UBE2D3: variants seen among roughly 807,000 people sequenced by gnomAD.
UBE2D3 encodes ubiquitin-conjugating enzyme E2 D3.
A neutral mutation model predicts 22.8 loss-of-function variants in UBE2D3; 2 were observed. The observed-to-expected ratio is 0.09, with a 90% CI of 0.04 to 0.28. The LOEUF is 0.28. Among genes scored for constraint, UBE2D3 ranks in the 10% least tolerant of loss-of-function variants. The pLI is 1.00. For synonymous variants in UBE2D3, 56 were observed against 60.4 expected, an observed-to-expected ratio of 0.93 and a Z score of 0.34; for missense variants, 27 against 182.5, an observed-to-expected ratio of 0.15 and a Z score of 4.91.
At chr4:102,863,371 A>G (rs1732993008) in intron 1 of UBE2D3, among the ~76,000 whole-genome samples, 2 of 151,790 alleles carry the variant, frequency 1.3e-5, no homozygotes, top group South Asian at 4.2e-4. Flanking sequence ...TTTAACAACT[A>G]CCTCTCACAG....
At chr4:102,798,987 C>G in intron 7 of UBE2D3, 3 of 1,607,884 alleles carry the variant, frequency 1.9e-6, no homozygotes, top group Non-Finnish European at 2.6e-6. Context: ...CCTAATTGAA[C>G]AAGTACACTT....
At chr4:102,868,833 T>G in exon 1 of UBE2D3, 1 of 1,583,112 alleles carries the variant, frequency 6.3e-7, no homozygotes, top group Non-Finnish European at 8.7e-7. Flanking sequence ...AGGGCCACCT[T>G]CACACGAGAT....
At chr4:102,842,459 G>A (rs907774148) in intron 1 of UBE2D3, among the ~76,000 whole-genome samples, 7 of 151,912 alleles carry the variant, frequency 4.6e-5, no homozygotes, top group Non-Finnish European at 7.4e-5. Flanking sequence ...AGGAGGCTGA[G>A]GTAGGAGAAT....
At chr4:102,859,204 C>T (rs2110377195) in intron 1 of UBE2D3, among the ~76,000 whole-genome samples, 1 of 151,946 alleles carries the variant, frequency 6.6e-6, no homozygotes, top group East Asian at 1.9e-4. Flanking sequence ...GGAGGCTTTT[C>T]TTTTCTTTCA....
At chr4:102,849,461 T>C (rs1405227731) in intron 1 of UBE2D3, among the ~76,000 whole-genome samples, 2 of 149,546 alleles carry the variant, frequency 1.3e-5, no homozygotes, top group Non-Finnish European at 3.0e-5. Context: ...CTAACCACAA[T>C]GTAAGAAAAG....
intron 1 of UBE2D3, chr4:102,868,611 G>A: frequency 6.8e-7 from 1 of 1,460,704 alleles, no homozygotes; most frequent in Non-Finnish European, 9.6e-7. Flanking sequence ...TGGGTAGGGG[G>A]AGGATACTCA....
chr4:102,836,377 C>G (rs1032245589), intron 1 of UBE2D3, among the ~76,000 whole-genome samples: 4 of 152,010 alleles, frequency 2.6e-5, no homozygotes, highest in African/African-American at 9.7e-5. Context: ...GAACTCCTGA[C>G]CTCAGGTGAT....
chr4:102,827,265 T>C, intron 1 of UBE2D3, 162 bp downstream of exon 1: 1 of 961,318 alleles, frequency 1.0e-6, no homozygotes, highest in South Asian at 4.8e-5. Context: ...CCCCTCCTCC[T>C]CCAGCAGGAG....
At chr4:102,827,007 C>G in intron 1 of UBE2D3, 1 of 996,120 alleles carries the variant, frequency 1.0e-6, no homozygotes, top group Non-Finnish European at 1.2e-6. Flanking sequence ...AAGCATAAGA[C>G]TCCGGACGGA....
rs36031423 is a variant in UBE2D3, at chr4:102,799,832, T to TGGG, written c.305-335_305-333dup. Among the ~76,000 whole-genome samples, 30 of 117,824 alleles carry TGGG rather than the reference T, an allele frequency of 2.5e-4. 2 individuals are homozygous for TGGG. Among genetic ancestry groups the TGGG allele is most frequent in the South Asian group, 1.5e-3 (5 of 3,336 alleles). The allele number at this position is 117,824 out of a possible 152,430, so 77.3% of individuals were successfully genotyped here. On this transcript the variant is annotated intron_variant, in intron 6 of 7. Coordinates refer to ENST00000453744, the MANE Select transcript of UBE2D3 (RefSeq NM_181891.3). ...CTTGAGTTTCTTGGTACTCAGTGGC[T>TGGG]GGGGGGGGGGGGACTTTAGCAAGAA...
rs1185987414 is a variant in UBE2D3, at chr4:102,853,142, T to C, written c.-129+15573A>G. On this transcript the variant is annotated intron_variant, in intron 1 of 7. Coordinates refer to the UBE2D3 transcript ENST00000338145. ...TTACACACAAACACACACATTTTTT[T>C]TTTTTTTTTTTTTTTTTTGAGACGG... Among the ~76,000 whole-genome samples, 4 of 114,202 alleles carry C rather than the reference T, an allele frequency of 3.5e-5. 2 individuals are homozygous for C. Among genetic ancestry groups the C allele is most frequent in the East Asian group, 4.9e-4 (2 of 4,056 alleles). 74.9% of individuals were successfully genotyped at this position (114,202 alleles called of 152,430 possible). A position where few individuals can be genotyped will look rare whatever the true frequency, so the allele number is the denominator to read the frequency against.
intron 2 of UBE2D3, among the ~76,000 whole-genome samples, chr4:102,822,629 C>A (rs1398810710): frequency 6.6e-6 from 1 of 152,134 alleles, no homozygotes; most frequent in Non-Finnish European, 1.5e-5. Flanking sequence ...AAATCACATA[C>A]ATTATAAAAC....
rs1462936718 is a variant in UBE2D3, at chr4:102,794,732, T to G, written c.*2683A>C. 1 of 152,000 alleles carries G rather than the reference T, an allele frequency of 6.6e-6. No individual in the cohort carries two copies. Among genetic ancestry groups the G allele is most frequent in the Non-Finnish European group, 1.5e-5 (1 of 67,962 alleles). 9.4% of individuals were successfully genotyped at this position (152,000 alleles called of 1,614,324 possible). ...ACCACTAGTTAACTGTGGTTCATAC[T>G]TTAAAATGTGAGTACACCCACACAA... On this transcript the variant is annotated 3_prime_UTR_variant, in exon 8 of 8. Transcript: ENST00000453744.
At chr4:102,801,715 C>A in intron 5 of UBE2D3, 156 bp from the exon 6 acceptor site, 1 of 577,882 alleles carries the variant, frequency 1.7e-6, no homozygotes. Context: ...GACCACAACC[C>A]CCTGCCTCCT....
chr4:102,848,693 C>A (rs566125525), intron 1 of UBE2D3, among the ~76,000 whole-genome samples: 1 of 152,080 alleles, frequency 6.6e-6, no homozygotes, highest in African/African-American at 2.4e-5. Flanking sequence ...GTAGTGCACG[C>A]CTATAGTCCC....
chr4:102,854,244 T>C (rs1005002290), intron 1 of UBE2D3, among the ~76,000 whole-genome samples: 10 of 152,166 alleles, frequency 6.6e-5, no homozygotes, highest in Admixed American at 1.3e-4. Context: ...CAAACAAATG[T>C]TATTTTTATA....
chr4:102,805,728 A>C (rs533608800), intron 4 of UBE2D3, among the ~76,000 whole-genome samples: 2 of 152,288 alleles, frequency 1.3e-5, no homozygotes, highest in East Asian at 1.9e-4. Flanking sequence ...TGCAAAATAT[A>C]TCTCTGGTCA....
At chr4:102,804,548 TTAAA>T (rs1302104888) in intron 4 of UBE2D3, among the ~76,000 whole-genome samples, 3 of 152,208 alleles carry the variant, frequency 2.0e-5, no homozygotes, top group Non-Finnish European at 2.9e-5. Context: ...CATGTCTTTA[TTAAA>T]TAGTTATATT....
chr4:102,797,213 T>C lies in UBE2D3; in HGVS notation c.*202A>G. 2.2e-6 allele frequency: 1 copy of C among 463,514 alleles called. No individual in the cohort carries two copies. Among genetic ancestry groups the C allele is most frequent in the Non-Finnish European group, 3.9e-6 (1 of 258,720 alleles). 28.7% of individuals were successfully genotyped at this position (463,514 alleles called of 1,614,324 possible). A position where few individuals can be genotyped will look rare whatever the true frequency, so the allele number is the denominator to read the frequency against. ...TCTCTTGTAACTACTTTACAGTTTC[T>C]AAAAGCAGTTATTGTCCAAAGCTGG... On this transcript the variant is annotated 3_prime_UTR_variant, in exon 8 of 8. Coordinates refer to ENST00000453744, the MANE Select transcript of UBE2D3 (RefSeq NM_181891.3).
Sources: allele counts gnomAD v4.1 joint callset (sites outside exome capture counted in the v4.1 genomes callset), GRCh38; gene constraint gnomAD v4.1.1; transcripts MANE v1.5; gene names NCBI Gene and HGNC (gene_info 2026-07-23, HGNC 2026-07-21).